The following GRIA1 variants were observed in gnomAD, a reference collection of about 807,000 sequenced individuals.
The protein encoded by GRIA1 is glutamate receptor 1.
In GRIA1, 31 loss-of-function variants were observed where a neutral mutation model predicts 99.2. That is an observed-to-expected ratio of 0.31 (90% CI 0.23 to 0.42). GRIA1 has a LOEUF of 0.42. Ranked by LOEUF, GRIA1 falls within the 10% of genes least tolerant of loss-of-function variation. The pLI is 1.00. For missense variants in GRIA1, 782 were observed against 1,157.5 expected (o/e 0.68, Z 4.71); for synonymous variants, 438 against 432.4 (o/e 1.01, Z -0.16).
chr5:153,584,283 T>C (rs1763286226), intron 2 of GRIA1, among the ~76,000 whole-genome samples: 2 of 152,184 alleles, frequency 1.3e-5, no homozygotes, highest in South Asian at 4.1e-4. Flanking sequence ...TAACATGTGG[T>C]ATATATTAAC....
chr5:153,674,070 C>T (rs1284784097), intron 5 of GRIA1, among the ~76,000 whole-genome samples: 1 of 152,218 alleles, frequency 6.6e-6, no homozygotes, highest in Non-Finnish European at 1.5e-5. Flanking sequence ...CGAGATTATT[C>T]CCTCCTTAGA....
At chr5:153,550,119 G>T (rs1342776329) in intron 2 of GRIA1, among the ~76,000 whole-genome samples, 1 of 151,874 alleles carries the variant, frequency 6.6e-6, no homozygotes, top group Non-Finnish European at 1.5e-5. Context: ...TGACATGGTT[G>T]GTGTTTAATA....
intron 2 of GRIA1, among the ~76,000 whole-genome samples, chr5:153,554,496 G>T (rs548829074): frequency 1.3e-5 from 2 of 152,130 alleles, no homozygotes; most frequent in South Asian, 4.2e-4. Context: ...TGTTGTTGCT[G>T]CTTTGTTTTG....
chr5:153,559,646 G>A (rs1478571263), intron 2 of GRIA1, among the ~76,000 whole-genome samples: 1 of 152,096 alleles, frequency 6.6e-6, no homozygotes, highest in Non-Finnish European at 1.5e-5. Context: ...CTTTAAACCA[G>A]CATCAACACA....
At chr5:153,585,062 GT>G (rs1763353244) in intron 2 of GRIA1, among the ~76,000 whole-genome samples, 1 of 152,156 alleles carries the variant, frequency 6.6e-6, no homozygotes, top group African/African-American at 2.4e-5. Flanking sequence ...GAACAATGAA[GT>G]AAGTATTAAC....
chr5:153,670,347 G>A (rs1756066303), intron 5 of GRIA1, among the ~76,000 whole-genome samples: 2 of 152,176 alleles, frequency 1.3e-5, no homozygotes, highest in Admixed American at 6.5e-5. Context: ...TGGGAGGTCA[G>A]TGGAAGGAGA....
chr5:153,761,769 G>A (rs769313678), intron 11 of GRIA1, among the ~76,000 whole-genome samples: 37 of 152,044 alleles, frequency 2.4e-4, no homozygotes, highest in Admixed American at 3.3e-4. Context: ...ATCAACTTAC[G>A]TGCCCATCAA....
chr5:153,745,589 CAAAA>C (rs58166158), intron 11 of GRIA1, among the ~76,000 whole-genome samples: 5 of 100,906 alleles, frequency 5.0e-5, no homozygotes, highest in East Asian at 2.7e-4. Flanking sequence ...AACTCTGTCT[CAAAA>C]AAAAAAAAAA....
intron 11 of GRIA1, among the ~76,000 whole-genome samples, chr5:153,728,982 C>T: frequency 7.5e-6 from 1 of 134,214 alleles, no homozygotes; most frequent in Non-Finnish European, 1.6e-5. Flanking sequence ...TTGGAACCAA[C>T]CCAAATGTCC....
At chr5:153,500,082 G>T (rs1375074575) in intron 2 of GRIA1, among the ~76,000 whole-genome samples, 1 of 152,178 alleles carries the variant, frequency 6.6e-6, no homozygotes. Flanking sequence ...TTTGTCTGTG[G>T]TTGACTCTTG....
At chr5:153,625,118 G>A (rs1355605255) in intron 2 of GRIA1, among the ~76,000 whole-genome samples, 1 of 151,054 alleles carries the variant, frequency 6.6e-6, no homozygotes, top group African/African-American at 2.4e-5. Context: ...TTTTTTTTTA[G>A]CAATATTGCT....
At position 153,494,196 on chromosome 5, in the gene GRIA1, G is replaced by C. The variant is rs988093313; in HGVS notation, c.220+131G>C. On this transcript the variant is annotated intron_variant, in intron 2 of 15. Transcript: ENST00000285900. ...GTCTTTGTAAGAGAAAGCCCTCCAA[G>C]AAAAATTTCTAGAGGCTTCTGAGTG... 3.9e-5 allele frequency: 36 copies of C among 931,772 alleles called. No individual in the cohort carries two copies. The Middle Eastern group carries it at 2.8e-3, about 73-fold the overall frequency. 57.7% of individuals were successfully genotyped at this position (931,772 alleles called of 1,614,324 possible). A position where few individuals can be genotyped will look rare whatever the true frequency, so the allele number is the denominator to read the frequency against.
intron 2 of GRIA1, among the ~76,000 whole-genome samples, chr5:153,610,639 T>C (rs1017899076): frequency 1.3e-5 from 2 of 152,202 alleles, no homozygotes; most frequent in African/African-American, 4.8e-5. Flanking sequence ...ATTTCAATCC[T>C]TATTCTACTA....
At position 153,566,304 on chromosome 5, in the gene GRIA1, C is replaced by CT. The variant is rs55872840; in HGVS notation, c.220+72255dup. On this transcript the variant is annotated intron_variant, in intron 2 of 15. Transcript: ENST00000285900. The stretch of plus-strand genomic sequence containing the variant: ...GAGAAATAGCTCTCCAATTCCCTGC[C>CT]TTTTTTTTTTTTTTTTCCAGAGACA... 6.6e-4 allele frequency among the ~76,000 whole-genome samples: 24 copies of CT among 36,558 alleles called. 8 individuals are homozygous for CT. Among genetic ancestry groups the CT allele is most frequent in the African/African-American group, 1.1e-3 (15 of 13,100 alleles). The allele number at this position is 36,558 out of a possible 152,430, so 24.0% of individuals were successfully genotyped here. A position where few individuals can be genotyped will look rare whatever the true frequency, so the allele number is the denominator to read the frequency against.
chr5:153,783,300 G>A (rs1764758164), intron 13 of GRIA1, among the ~76,000 whole-genome samples: 1 of 152,136 alleles, frequency 6.6e-6, no homozygotes, highest in Admixed American at 6.5e-5. Flanking sequence ...AATTGCGGGG[G>A]GACCTTCATT....
intron 2 of GRIA1, among the ~76,000 whole-genome samples, chr5:153,598,606 C>T (rs1265451369): frequency 1.3e-5 from 2 of 152,150 alleles, no homozygotes; most frequent in Admixed American, 1.3e-4. Context: ...GACAATCTTA[C>T]TTATTAGCCT....
chr5:153,611,258 A>G (rs759274122), intron 2 of GRIA1, among the ~76,000 whole-genome samples: 1 of 152,076 alleles, frequency 6.6e-6, no homozygotes, highest in Non-Finnish European at 1.5e-5. Context: ...TTGCAAACTG[A>G]TTGTTAAACC....
At chr5:153,596,371 C>T (rs1165280933) in intron 2 of GRIA1, among the ~76,000 whole-genome samples, 1 of 152,136 alleles carries the variant, frequency 6.6e-6, no homozygotes, top group Non-Finnish European at 1.5e-5. Context: ...TTTCAAAATC[C>T]AACAAACAAT....
chr5:153,742,313 T>G (rs1761862185), intron 11 of GRIA1, among the ~76,000 whole-genome samples: 1 of 152,148 alleles, frequency 6.6e-6, no homozygotes, highest in Non-Finnish European at 1.5e-5. Context: ...CTAACAATAG[T>G]CACGAGAAGT....
Sources: gnomAD v4.1 joint callset for allele counts (sites outside exome capture counted in the v4.1 genomes callset) on GRCh38, gnomAD v4.1.1 for gene constraint, MANE v1.5 for transcripts, NCBI Gene and HGNC (gene_info 2026-07-23, HGNC 2026-07-21) for gene names.